The following SYNDIG1L variants were observed in gnomAD, a reference collection of about 807,000 sequenced individuals.
SYNDIG1L encodes synapse differentiation-inducing gene protein 1-like.
In SYNDIG1L, 13 loss-of-function variants were observed where a neutral mutation model predicts 20.1. That is an observed-to-expected ratio of 0.65 (90% CI 0.42 to 1.03). The LOEUF (loss-of-function observed/expected upper bound fraction) is 1.03. SYNDIG1L is among the 50% of genes least tolerant of loss of function. The pLI is 0.00. For synonymous variants in SYNDIG1L, 128 were observed against 129.3 expected (o/e 0.99, Z 0.07); for missense variants, 294 against 305.1 (o/e 0.96, Z 0.27).
At chr14:74,471,727 G>A in the SYNDIG1L span, among the ~76,000 whole-genome samples, 1 of 152,162 alleles carries the variant, frequency 6.6e-6, no homozygotes, top group Admixed American at 6.5e-5. Flanking sequence ...CCAGGGCATT[G>A]TGCACTATAG....
chr14:74,462,930 TCTG>T, the SYNDIG1L span, among the ~76,000 whole-genome samples: 2 of 152,114 alleles, frequency 1.3e-5, no homozygotes, highest in African/African-American at 4.8e-5. Flanking sequence ...GTCCATCCCT[TCTG>T]CTGTTTTCTA....
chr14:74,477,039 AACACACACACACACACACACACACACAC>A, the SYNDIG1L span, among the ~76,000 whole-genome samples: 34 of 97,040 alleles, frequency 3.5e-4, no homozygotes, highest in East Asian at 1.1e-3. Flanking sequence ...CCCCATTCCC[AACACACACACACACACACACACACACAC>A]ACACACACAC....
chr14:74,412,199 T>C (rs1431780522), intron 1 of SYNDIG1L, among the ~76,000 whole-genome samples: 1 of 152,092 alleles, frequency 6.6e-6, no homozygotes, highest in Non-Finnish European at 1.5e-5. Flanking sequence ...GAGCACAGAG[T>C]GCCCAAGGCA....
the SYNDIG1L span, among the ~76,000 whole-genome samples, chr14:74,453,934 C>G: frequency 6.6e-6 from 1 of 151,944 alleles, no homozygotes; most frequent in East Asian, 1.9e-4. Flanking sequence ...CTACCACACT[C>G]CAGCCTGGAG....
chr14:74,424,106 TTG>T (rs2086246617), intron 1 of SYNDIG1L, among the ~76,000 whole-genome samples: 1 of 152,222 alleles, frequency 6.6e-6, no homozygotes, highest in Admixed American at 6.5e-5. Context: ...GTCATTAACT[TTG>T]TTGTCAAACC....
chr14:74,440,502 G>A, the SYNDIG1L span, among the ~76,000 whole-genome samples: 1 of 134,272 alleles, frequency 7.4e-6, no homozygotes, highest in Non-Finnish European at 1.5e-5. Flanking sequence ...GCGACAGAGC[G>A]AGACTCCGTC....
At chr14:74,477,062 A>G in the SYNDIG1L span, among the ~76,000 whole-genome samples, 5 of 45,984 alleles carry the variant, frequency 1.1e-4, 1 homozygote, top group Non-Finnish European at 2.8e-4. Flanking sequence ...ACACACACAC[A>G]CACACACACA....
intron 1 of SYNDIG1L, among the ~76,000 whole-genome samples, chr14:74,411,603 G>T (rs1475524388): frequency 2.0e-5 from 3 of 152,190 alleles, no homozygotes; most frequent in Non-Finnish European, 2.9e-5. Flanking sequence ...TGAAGACAGA[G>T]CATGGCTCCA....
At position 74,407,450 on chromosome 14, in the gene SYNDIG1L, C is replaced by G. The variant is rs959367843; in HGVS notation, c.*85G>C. On this transcript the variant is annotated 3_prime_UTR_variant, in exon 4 of 4. Coordinates refer to ENST00000331628, the MANE Select transcript of SYNDIG1L (RefSeq NM_001105579.2). ...CTCTCACGGGATCATCTTCAGGGGC[C>G]GGGCCTTTCCATAGGGTCTGCAACT... 5.7e-6 allele frequency: 9 copies of G among 1,571,130 alleles called. No homozygotes were observed. The highest frequency in any genetic ancestry group is 7.8e-6 in the Non-Finnish European group (9 of 1,156,718).
chr14:74,441,312 C>A, the SYNDIG1L span, among the ~76,000 whole-genome samples: 1 of 152,176 alleles, frequency 6.6e-6, no homozygotes, highest in African/African-American at 2.4e-5. Context: ...TTTGGAAGCA[C>A]TGCTTTTGAC....
At chr14:74,412,882 A>G (rs1292127584) in intron 1 of SYNDIG1L, among the ~76,000 whole-genome samples, 2 of 152,132 alleles carry the variant, frequency 1.3e-5, no homozygotes, top group Admixed American at 1.3e-4. Flanking sequence ...TTCAACCTGC[A>G]GCCTCGAGTC....
chr14:74,429,257 C>T (rs1302165883), upstream of SYNDIG1L, among the ~76,000 whole-genome samples: 7 of 152,164 alleles, frequency 4.6e-5, no homozygotes, highest in Admixed American at 3.9e-4. Flanking sequence ...TAGGCACTGG[C>T]TGAAAACCTG....
chr14:74,450,445 A>G, the SYNDIG1L span, among the ~76,000 whole-genome samples: 2 of 152,230 alleles, frequency 1.3e-5, no homozygotes, highest in African/African-American at 4.8e-5. Flanking sequence ...ATAAAGTTTT[A>G]GCAAGTTGAA....
rs2086078893 is a variant in SYNDIG1L at position 74,406,299 on chromosome 14, T to C, written c.*1236A>G. 2.6e-6 allele frequency: 1 copy of C among 389,018 alleles called. No homozygotes were observed. Among genetic ancestry groups the C allele is most frequent in the African/African-American group, 2.1e-5 (1 of 48,430 alleles). The allele number at this position is 389,018 out of a possible 1,614,324, so 24.1% of individuals were successfully genotyped here. A position where few individuals can be genotyped will look rare whatever the true frequency, so the allele number is the denominator to read the frequency against. On this transcript the variant is annotated 3_prime_UTR_variant, in exon 4 of 4. Transcript: ENST00000331628. Reference sequence around the variant, plus strand: ...AGCATTCAGAGATGGGAAAACATCATTGGTCTTTGAGAGACAGGTGTGACG... The same window carrying C: ...AGCATTCAGAGATGGGAAAACATCACTGGTCTTTGAGAGACAGGTGTGACG...
At chr14:74,438,437 C>T in the SYNDIG1L span, among the ~76,000 whole-genome samples, 293 of 152,174 alleles carry the variant, frequency 1.9e-3, no homozygotes, top group African/African-American at 6.7e-3. Context: ...AGGGAGTTGG[C>T]GGCAGGGGAT....
the SYNDIG1L span, chr14:74,476,042 C>T: frequency 5.3e-6 from 1 of 188,930 alleles, no homozygotes; most frequent in Non-Finnish European, 1.1e-5. Flanking sequence ...TACCACTAAA[C>T]ACTAATGTGA....
the SYNDIG1L span, among the ~76,000 whole-genome samples, chr14:74,473,774 G>A: frequency 6.6e-6 from 1 of 152,214 alleles, no homozygotes. Flanking sequence ...AATGCATACT[G>A]TCCTGTCCAT....
rs1032561601 is a variant in SYNDIG1L, at chr14:74,406,533, C to G, written c.*1002G>C. On this transcript the variant is annotated 3_prime_UTR_variant, in exon 4 of 4. Coordinates refer to ENST00000331628, the MANE Select transcript of SYNDIG1L (RefSeq NM_001105579.2). ...CTCAAGGGATACCTCCTCCAGGAAG[C>G]CTTCCTAAGCACCGCTGACTACTCA... The G allele has an allele frequency of 2.6e-5, 4 of 153,926 alleles. No individual in the cohort carries two copies. The highest frequency in any genetic ancestry group is 9.6e-5 in the African/African-American group (4 of 41,640). 9.5% of individuals were successfully genotyped at this position (153,926 alleles called of 1,614,324 possible). A position where few individuals can be genotyped will look rare whatever the true frequency, so the allele number is the denominator to read the frequency against.
the SYNDIG1L span, among the ~76,000 whole-genome samples, chr14:74,453,100 C>T: frequency 3.3e-5 from 5 of 151,174 alleles, no homozygotes; most frequent in East Asian, 9.8e-4. Flanking sequence ...TAATCCCAGC[C>T]CTTTGGGAGC....
Sources: allele counts gnomAD v4.1 joint callset (sites outside exome capture counted in the v4.1 genomes callset), GRCh38; gene constraint gnomAD v4.1.1; transcripts MANE v1.5; gene names NCBI Gene and HGNC (gene_info 2026-07-23, HGNC 2026-07-21).